The following ZNF721 variants were observed in gnomAD, a reference collection of about 807,000 sequenced individuals.
ZNF721 encodes zinc finger protein 721.
Under a neutral mutation model 2.4 loss-of-function variants are expected in ZNF721, and 2 were observed. The ratio of observed to expected loss-of-function variants is 0.82; its 90% CI spans 0.34 to 2.58. The LOEUF is 2.58. Ranked by LOEUF, ZNF721 falls within the 30% of genes most tolerant of loss-of-function variation. ZNF721 has a pLI of 0.11. For missense variants in ZNF721, 1,187 were observed against 1,085.5 expected (o/e 1.09, Z -1.31); for synonymous variants, 398 against 381.8 (o/e 1.04, Z -0.50).
chr4:452,717 G>A (rs1201746451), intron 2 of ZNF721, among the ~76,000 whole-genome samples: 1 of 152,144 alleles, frequency 6.6e-6, no homozygotes, highest in East Asian at 1.9e-4. Flanking sequence ...CCATAGGCTG[G>A]CAAAGCTTAT....
At chr4:490,381 A>G (rs1353324056) in intron 1 of ZNF721, among the ~76,000 whole-genome samples, 1 of 152,112 alleles carries the variant, frequency 6.6e-6, no homozygotes, top group African/African-American at 2.4e-5. Flanking sequence ...GAGGCTGAGA[A>G]TGGCGTGAAC....
rs781983218 is a variant in ZNF721 at position 472,583 on chromosome 4, A to C, written c.26T>G (p.Val9Gly). Reference sequence around the variant, plus strand: ...ATTAAAGTTATCCTCACCTAGGGAGACCAGGTTTCTGTAGTTCTCCAACAT... The same window carrying C: ...ATTAAAGTTATCCTCACCTAGGGAGCCCAGGTTTCTGTAGTTCTCCAACAT... MLENYRNLVSLAMCSHFTQ... is the reference protein window; with the variant it reads MLENYRNLGSLAMCSHFTQ... The change falls in exon 2 of 3, where the codon GTC becomes GGC. Residue 9 changes from valine (V) to glycine (G), a missense_variant. Physicochemically the swap from Val to Gly is moderately radical, Grantham distance 109 (BLOSUM62 -3). Coordinates refer to ENST00000511833, the MANE Select transcript of ZNF721 (RefSeq NM_133474.4). 5.0e-6 allele frequency: 8 copies of C among 1,611,824 alleles called. No homozygotes were observed. The South Asian group carries it at 7.7e-5, about 16-fold the overall frequency.
intron 2 of ZNF721, among the ~76,000 whole-genome samples, chr4:457,988 G>A (rs1714897109): frequency 6.6e-6 from 1 of 152,182 alleles, no homozygotes; most frequent in Non-Finnish European, 1.5e-5. Context: ...TCTCAGCTGT[G>A]TATCCTGAAG....
chr4:481,646 G>A (rs1715772538), intron 1 of ZNF721, among the ~76,000 whole-genome samples: 1 of 148,910 alleles, frequency 6.7e-6, no homozygotes, highest in African/African-American at 2.5e-5. Context: ...TCAGCTCATT[G>A]CAACCTCCAC....
At chr4:465,651 C>G (rs1715223424) in intron 2 of ZNF721, among the ~76,000 whole-genome samples, 1 of 151,944 alleles carries the variant, frequency 6.6e-6, no homozygotes, top group Non-Finnish European at 1.5e-5. Context: ...CCAGGATGGT[C>G]TCGATCTCCT....
chr4:470,138 T>C (rs1715387815), intron 2 of ZNF721, among the ~76,000 whole-genome samples: 1 of 152,168 alleles, frequency 6.6e-6, no homozygotes, highest in Admixed American at 6.5e-5. Context: ...TGCCTCTGCC[T>C]CCCAAAGTGC....
intron 2 of ZNF721, among the ~76,000 whole-genome samples, chr4:458,890 C>T (rs1406972416): frequency 6.6e-6 from 1 of 151,958 alleles, no homozygotes. Context: ...AGAAAATGTT[C>T]AGGGCAGCCA....
intron 2 of ZNF721, among the ~76,000 whole-genome samples, chr4:459,478 AAAAG>A (rs2108701672): frequency 6.6e-6 from 1 of 152,234 alleles, no homozygotes; most frequent in East Asian, 1.9e-4. Context: ...AAGCAAAAAA[AAAAG>A]CAGCAGTTGC....
intron 1 of ZNF721, among the ~76,000 whole-genome samples, chr4:481,708 A>G (rs1576970682): frequency 6.6e-6 from 1 of 152,012 alleles, no homozygotes; most frequent in East Asian, 1.9e-4. Context: ...CATCCATTCC[A>G]TTATCTTTTT....
Position 441,843 on chromosome 4 carries a change from C to T in ZNF721, c.2624G>A (p.Arg875Lys). Residue 875 changes from arginine (R) to lysine (K), a missense_variant, in exon 3 of 3, where the codon AGA becomes AAA. Transcript: ENST00000511833. ...ATGCGCATAAAGATTTGCAGACTGT[C>T]TAAAGGTTTTGCCACATTCTCCACA... ...YTCGECGKTFRQSANLYAHKK... is the reference protein window; with the variant it reads ...YTCGECGKTFKQSANLYAHKK... The T allele has an allele frequency of 6.2e-7, 1 of 1,613,958 alleles. No individual in the cohort carries two copies. Among genetic ancestry groups the T allele is most frequent in the Non-Finnish European group, 8.5e-7 (1 of 1,179,992 alleles).
In ZNF721 at chr4:443,575, T is replaced by C; in HGVS notation, c.892A>G (p.Ile298Val). 6.2e-7 allele frequency: 1 copy of C among 1,614,040 alleles called. No homozygotes were observed. The highest frequency in any genetic ancestry group is 8.5e-7 in the Non-Finnish European group (1 of 1,179,960). Reference protein sequence around the residue: ...ISTTLTKHRRIHTGEKPYTCE... With the variant: ...ISTTLTKHRRVHTGEKPYTCE... ...GTGTAGGGTTTCTCTCCAGTATGAATTCTCCTATGTTTAGTAAGGGTTGTG... is the reference window on the plus strand; with the variant it reads ...GTGTAGGGTTTCTCTCCAGTATGAACTCTCCTATGTTTAGTAAGGGTTGTG... The change falls in exon 3 of 3, where the codon ATT becomes GTT. Residue 298 changes from isoleucine (I) to valine (V), a missense_variant. Ile to Val is a conservative substitution (Grantham distance 29). Transcript: ENST00000511833.
intron 1 of ZNF721, among the ~76,000 whole-genome samples, chr4:488,796 T>C (rs1184498379): frequency 6.6e-6 from 1 of 151,878 alleles, no homozygotes; most frequent in Non-Finnish European, 1.5e-5. Context: ...CGCCACTGCA[T>C]TCCGGCCTGG....
At chr4:488,961 C>G (rs1310542536) in intron 1 of ZNF721, among the ~76,000 whole-genome samples, 2 of 152,180 alleles carry the variant, frequency 1.3e-5, no homozygotes, top group Non-Finnish European at 2.9e-5. Flanking sequence ...ACCACACCTG[C>G]ACTACCCCAG....
intron 2 of ZNF721, 47 bp from the exon 3 acceptor site, chr4:444,479 T>G: frequency 1.3e-6 from 2 of 1,486,322 alleles, no homozygotes; most frequent in Non-Finnish European, 1.8e-6. Context: ...TAGATTCATA[T>G]GCATATACTT....
chr4:475,795 A>C (rs1715610622), intron 1 of ZNF721, among the ~76,000 whole-genome samples: 1 of 148,332 alleles, frequency 6.7e-6, no homozygotes, highest in Admixed American at 6.7e-5. Context: ...GCTTCCCCCT[A>C]CTAACGTGCT....
chr4:497,748 A>T (rs543222992), intron 1 of ZNF721, among the ~76,000 whole-genome samples: 5 of 150,550 alleles, frequency 3.3e-5, no homozygotes, highest in South Asian at 2.1e-4. Context: ...AAAAAAAAAA[A>T]TTTGACGGGC....
intron 1 of ZNF721, chr4:474,094 G>C: frequency 7.5e-7 from 1 of 1,334,346 alleles, no homozygotes; most frequent in Non-Finnish European, 1.0e-6. Context: ...CCTCCCTGAG[G>C]TGTGGAAGCA....
chr4:457,772 G>T (rs1560232022), intron 2 of ZNF721, among the ~76,000 whole-genome samples: 1 of 152,146 alleles, frequency 6.6e-6, no homozygotes, highest in African/African-American at 2.4e-5. Context: ...AAGTCCGGAA[G>T]AATTTTTTCC....
chr4:457,390 A>G (rs782107700), intron 2 of ZNF721, among the ~76,000 whole-genome samples: 29 of 152,330 alleles, frequency 1.9e-4, no homozygotes, highest in Non-Finnish European at 3.7e-4. Flanking sequence ...TATTGAAAAG[A>G]CATGCCCTTG....
Sources: allele counts gnomAD v4.1 joint callset (sites outside exome capture counted in the v4.1 genomes callset), GRCh38; gene constraint gnomAD v4.1.1; transcripts MANE v1.5; gene names NCBI Gene and HGNC (gene_info 2026-07-23, HGNC 2026-07-21).